The following MYC variants were observed in gnomAD, a reference collection of about 807,000 sequenced individuals.
The protein encoded by MYC is MYC proto-oncogene, bHLH transcription factor.
MYC carries 1 observed loss-of-function variant against 30.5 expected under a neutral mutation model. That is an observed-to-expected ratio of 0.03 (90% confidence interval 0.01 to 0.16). The LOEUF (loss-of-function observed/expected upper bound fraction) is 0.16. Among genes scored for constraint, MYC ranks in the 10% least tolerant of loss-of-function variants. MYC has a pLI of 1.00. For missense variants in MYC, 508 were observed against 589.0 expected (o/e 0.86, Z 1.42); for synonymous variants, 267 against 250.7 (o/e 1.07, Z -0.62).
rs912067388 is a variant in MYC, at chr8:127,742,178, T to G, written c.*1220T>G. Among the ~76,000 whole-genome samples the G allele has an allele frequency of 6.6e-6, 1 of 152,240 alleles. No homozygotes were observed. Among genetic ancestry groups the G allele is most frequent in the Non-Finnish European group, 1.5e-5 (1 of 68,038 alleles). On this transcript the variant is annotated 3_prime_UTR_variant, in exon 3 of 3. Transcript: ENST00000621592. ...TAAGCTCTATTTGTGTCCCAAGCACTCCTAAGCATTTTATCCCTAACTCTA... is the reference window on the plus strand; with the variant it reads ...TAAGCTCTATTTGTGTCCCAAGCACGCCTAAGCATTTTATCCCTAACTCTA...
Position 127,738,856 on chromosome 8 carries a change from T to C in MYC, c.639T>C (p.Pro213=), listed in dbSNP as rs376985810. The C allele has an allele frequency of 3.7e-6, 6 of 1,611,706 alleles. No homozygotes were observed. In the African/African-American group the frequency reaches 8.0e-5, roughly 22 times the overall value. Residue 213 remains proline, a synonymous_variant, in exon 2 of 3, where the codon CCT becomes CCC. Transcript: ENST00000621592. The surrounding 1 kb of genome is among the most constrained non-coding windows in gnomAD (Gnocchi z 7.6). ...ACCCCTCGGTGGTCTTCCCCTACCC[T>C]CTCAACGACAGCAGCTCGCCCAAGT...
chr8:127,739,853 C>T (rs899840420), intron 2 of MYC, among the ~76,000 whole-genome samples: 1 of 152,184 alleles, frequency 6.6e-6, no homozygotes, highest in East Asian at 1.9e-4. Context: ...GCATCAATGT[C>T]CTATCCTGGG....
Position 127,740,580 on chromosome 8 carries a change from C to T in MYC, c.987C>T (p.Ser329=), listed in dbSNP as rs1219526902. The T allele has an allele frequency of 6.2e-7, 1 of 1,614,046 alleles. No individual in the cohort carries two copies. Among genetic ancestry groups the T allele is most frequent in the Non-Finnish European group, 8.5e-7 (1 of 1,180,016 alleles). Residue 329 remains serine (S), a synonymous_variant, in exon 3 of 3, where the codon TCC becomes TCT. Coordinates refer to ENST00000621592, the MANE Select transcript of MYC (RefSeq NM_002467.6). ...AGCACAACTACGCAGCGCCTCCCTC[C>T]ACTCGGAAGGACTATCCTGCTGCCA...
chr8:127,739,797 T>C (rs1482774654), intron 2 of MYC, among the ~76,000 whole-genome samples: 1 of 152,102 alleles, frequency 6.6e-6, no homozygotes, highest in African/African-American at 2.4e-5. Flanking sequence ...GAATGTGCTT[T>C]GCTTTGGGTG....
chr8:127,742,488 A>T lies in MYC; in HGVS notation c.*1530A>T, dbSNP rs1563759622. On this transcript the variant is annotated 3_prime_UTR_variant, in exon 3 of 3. Coordinates refer to ENST00000621592, the MANE Select transcript of MYC (RefSeq NM_002467.6). Reference sequence around the variant, plus strand: ...AGGCATCAGTTCCCCTTTTTTTGTGATTTATTTTGTTTTTATTTTGTTGTT... The same window carrying T: ...AGGCATCAGTTCCCCTTTTTTTGTGTTTTATTTTGTTTTTATTTTGTTGTT... 6.6e-6 allele frequency among the ~76,000 whole-genome samples: 1 copy of T among 151,864 alleles called. No homozygotes were observed. Among genetic ancestry groups the T allele is most frequent in the Non-Finnish European group, 1.5e-5 (1 of 67,944 alleles).
chr8:127,738,734 G>A lies in MYC; in HGVS notation c.517G>A (p.Asp173Asn), dbSNP rs967161771. 10 of 1,613,528 alleles carry A rather than the reference G, an allele frequency of 6.2e-6. No individual in the cohort carries two copies. Among genetic ancestry groups the A allele is most frequent in the Admixed American group, 3.3e-5 (2 of 59,946 alleles). Residue 173 changes from aspartate to asparagine, a missense_variant, in exon 2 of 3, where the codon GAC becomes AAC. Asp to Asn is a conservative substitution (Grantham distance 23, BLOSUM62 1). Around this residue, in one of 5 missense-constraint regions of MYC, gnomAD observed 364 missense variants for 381.1 expected, o/e 0.96. Transcript: ENST00000621592. This position sits in a 1 kb window ranked among gnomAD's most constrained non-coding sequence, Gnocchi z 7.6. The stretch of plus-strand genomic sequence containing the variant: ...GGCCTCCTACCAGGCTGCGCGCAAA[G>A]ACAGCGGCAGCCCGAACCCCGCCCG...
Position 127,738,633 on chromosome 8 carries a change from T to G in MYC, c.416T>G (p.Phe139Cys). The G allele has an allele frequency of 6.2e-7, 1 of 1,612,872 alleles. No individual in the cohort carries two copies. Among genetic ancestry groups the G allele is most frequent in the Admixed American group, 1.7e-5 (1 of 59,910 alleles). Residue 139 changes from phenylalanine (F) to cysteine (C), a missense_variant, in exon 2 of 3, where the codon TTC (phenylalanine) becomes TGC (cysteine). By Grantham distance (205) the Phe-to-Cys change is radical. Around this residue, in one of 5 missense-constraint regions of MYC, gnomAD observed 364 missense variants for 381.1 expected, o/e 0.96. Transcript: ENST00000621592. This position sits in a 1 kb window ranked among gnomAD's most constrained non-coding sequence, Gnocchi z 7.6. ...ATCTGCGACCCGGACGACGAGACCT[T>G]CATCAAAAACATCATCATCCAGGAC...
Position 127,741,895 on chromosome 8 carries a change from A to C in MYC, c.*937A>C, listed in dbSNP as rs545977969. ...TCACAACCAGGCGCCAGTCCTGTCC[A>C]TGGGTTATCTCGCAAACCCCAGAGG... On this transcript the variant is annotated 3_prime_UTR_variant, in exon 3 of 3. Transcript: ENST00000621592. Among the ~76,000 whole-genome samples the C allele has an allele frequency of 7.9e-5, 12 of 152,312 alleles. No individual in the cohort carries two copies. Among genetic ancestry groups the C allele is most frequent in the African/African-American group, 2.4e-4 (10 of 41,570 alleles).
In MYC at chr8:127,740,606, A is replaced by G; in HGVS notation, c.1013A>G (p.Lys338Arg). Residue 338 changes from lysine (K) to arginine (R), a missense_variant, in exon 3 of 3, where the codon AAG becomes AGG. Around this residue, in one of 5 missense-constraint regions of MYC, gnomAD observed 364 missense variants for 381.1 expected, o/e 0.96. Transcript: ENST00000621592. ...ACTCGGAAGGACTATCCTGCTGCCAAGAGGGTCAAGTTGGACAGTGTCAGA... is the reference window on the plus strand; with the variant it reads ...ACTCGGAAGGACTATCCTGCTGCCAGGAGGGTCAAGTTGGACAGTGTCAGA... 6 of 1,614,082 alleles carry G rather than the reference A, an allele frequency of 3.7e-6. No homozygotes were observed. Among genetic ancestry groups the G allele is most frequent in the South Asian group, 1.1e-5 (1 of 91,066 alleles).
rs1813723219 is a variant in MYC at position 127,742,239 on chromosome 8, C to T, written c.*1281C>T. Among the ~76,000 whole-genome samples, 1 of 152,190 alleles carries T rather than the reference C, an allele frequency of 6.6e-6. No individual in the cohort carries two copies. Among genetic ancestry groups the T allele is most frequent in the Admixed American group, 6.5e-5 (1 of 15,290 alleles). Reference sequence around the variant, plus strand: ...ATGAAGGAGATACTGTTGATTTCCCCATATTAGAAGTAGAGAGGGAAGCTG... The same window carrying T: ...ATGAAGGAGATACTGTTGATTTCCCTATATTAGAAGTAGAGAGGGAAGCTG... On this transcript the variant is annotated 3_prime_UTR_variant, in exon 3 of 3. Transcript: ENST00000621592.
In MYC at chr8:127,740,650, A is replaced by G; in HGVS notation, c.1057A>G (p.Asn353Asp). Residue 353 changes from asparagine (N) to aspartate (D), a missense_variant, in exon 3 of 3, where the codon AAC becomes GAC. Asn to Asp is a conservative substitution (Grantham distance 23). Around this residue, in one of 5 missense-constraint regions of MYC, gnomAD observed 364 missense variants for 381.1 expected, o/e 0.96. Transcript: ENST00000621592. ...TGTCAGAGTCCTGAGACAGATCAGCAACAACCGAAAATGCACCAGCCCCAG... is the reference window on the plus strand; with the variant it reads ...TGTCAGAGTCCTGAGACAGATCAGCGACAACCGAAAATGCACCAGCCCCAG... The G allele has an allele frequency of 6.2e-7, 1 of 1,614,122 alleles. No individual in the cohort carries two copies. The highest frequency in any genetic ancestry group is 8.5e-7 in the Non-Finnish European group (1 of 1,180,022).
rs750562100 is a variant in MYC at position 127,740,837 on chromosome 8, C to T, written c.1244C>T (p.Thr415Ile). The change falls in exon 3 of 3, where the codon ACA becomes ATA. Residue 415 changes from threonine (T) to isoleucine (I), a missense_variant. Around this residue, in one of 5 missense-constraint regions of MYC, gnomAD observed 40 missense variants for 78.4 expected, o/e 0.51. Transcript: ENST00000621592. ...AAGGTAGTTATCCTTAAAAAAGCCACAGCATACATCCTGTCCGTCCAAGCA... is the reference window on the plus strand; with the variant it reads ...AAGGTAGTTATCCTTAAAAAAGCCATAGCATACATCCTGTCCGTCCAAGCA... 82 of 1,614,018 alleles carry T rather than the reference C, an allele frequency of 5.1e-5. No individual in the cohort carries two copies. Among genetic ancestry groups the T allele is most frequent in the Non-Finnish European group, 1.1e-5 (13 of 1,180,044 alleles).
chr8:127,738,510 G>C lies in MYC; in HGVS notation c.293G>C (p.Arg98Pro), dbSNP rs764188937. ...GTTGCGGTCACACCCTTCTCCCTTC[G>C]GGGAGACAACGACGGCGGTGGCGGG... Residue 98 changes from arginine (R) to proline (P), a missense_variant, in exon 2 of 3, where the codon CGG (arginine) becomes CCG (proline). Physicochemically the swap from Arg to Pro is moderately radical, Grantham distance 103 (BLOSUM62 -2). Transcript: ENST00000621592. This position sits in a 1 kb window ranked among gnomAD's most constrained non-coding sequence, Gnocchi z 7.6. 1.9e-6 allele frequency: 3 copies of C among 1,610,522 alleles called. No homozygotes were observed. Among genetic ancestry groups the C allele is most frequent in the Admixed American group, 3.3e-5 (2 of 59,798 alleles).
rs932082900 is a variant in MYC, at chr8:127,741,962, A to G, written c.*1004A>G. On this transcript the variant is annotated 3_prime_UTR_variant, in exon 3 of 3. Coordinates refer to ENST00000621592, the MANE Select transcript of MYC (RefSeq NM_002467.6). Reference sequence around the variant, plus strand: ...CTACTATTAACCCTATTTCACAAACAAGGAAATAGAAGAGCTCAAAGAGGT... The same window carrying G: ...CTACTATTAACCCTATTTCACAAACGAGGAAATAGAAGAGCTCAAAGAGGT... 5.3e-5 allele frequency among the ~76,000 whole-genome samples: 8 copies of G among 152,172 alleles called. No homozygotes were observed. The highest frequency in any genetic ancestry group is 1.4e-4 in the African/African-American group (6 of 41,442).
chr8:127,738,959 G>T lies in MYC; in HGVS notation c.742G>T (p.Gly248Cys). The change falls in exon 2 of 3, where the codon GGC (glycine) becomes TGC (cysteine). Residue 248 changes from glycine to cysteine, a missense_variant. Physicochemically the swap from Gly to Cys is radical, Grantham distance 159 (BLOSUM62 -3). Around this residue, in one of 5 missense-constraint regions of MYC, gnomAD observed 364 missense variants for 381.1 expected, o/e 0.96. Transcript: ENST00000621592. The surrounding 1 kb of genome is among the most constrained non-coding windows in gnomAD (Gnocchi z 7.6). ...CTCCTCGACGGAGTCCTCCCCGCAGGGCAGCCCCGAGCCCCTGGTGCTCCA... is the reference window on the plus strand; with the variant it reads ...CTCCTCGACGGAGTCCTCCCCGCAGTGCAGCCCCGAGCCCCTGGTGCTCCA... 3.2e-6 allele frequency: 5 copies of T among 1,579,130 alleles called. No homozygotes were observed. Among genetic ancestry groups the T allele is most frequent in the Non-Finnish European group, 4.3e-6 (5 of 1,169,752 alleles).
intron 1 of MYC, 72 bp downstream of exon 1, chr8:127,736,695 T>A (rs2130084459): frequency 2.0e-6 from 3 of 1,507,174 alleles, no homozygotes; most frequent in South Asian, 2.3e-5. Flanking sequence ...GTCGAATGCC[T>A]AAATAGGGTG....
chr8:127,737,786 G>T (rs1365015775), intron 1 of MYC, among the ~76,000 whole-genome samples: 1 of 152,220 alleles, frequency 6.6e-6, no homozygotes, highest in Non-Finnish European at 1.5e-5. Flanking sequence ...CCGCAGCGGA[G>T]GGGCCCCGGC....
chr8:127,742,319 A>C lies in MYC; in HGVS notation c.*1361A>C, dbSNP rs778333249. ...AGATTCACTGATAGGGAAAAGTGGAAGCGAGATTTGAACCCAGGCTGTTTA... is the reference window on the plus strand; with the variant it reads ...AGATTCACTGATAGGGAAAAGTGGACGCGAGATTTGAACCCAGGCTGTTTA... On this transcript the variant is annotated 3_prime_UTR_variant, in exon 3 of 3. Coordinates refer to ENST00000621592, the MANE Select transcript of MYC (RefSeq NM_002467.6). 4.6e-5 allele frequency among the ~76,000 whole-genome samples: 7 copies of C among 152,198 alleles called. No individual in the cohort carries two copies. Among genetic ancestry groups the C allele is most frequent in the Non-Finnish European group, 1.0e-4 (7 of 68,036 alleles).
upstream of MYC, chr8:127,735,587 C>T (rs924272872): frequency 2.5e-6 from 1 of 399,082 alleles, no homozygotes; most frequent in African/African-American, 2.1e-5. Flanking sequence ...CATTAATACC[C>T]TTCTTTCCTC....
Sources: allele counts gnomAD v4.1 joint callset (sites outside exome capture counted in the v4.1 genomes callset), GRCh38; gene constraint gnomAD v4.1.1; regional missense constraint gnomAD v4.1.1; non-coding constraint Gnocchi (gnomAD v3.1); transcripts MANE v1.5; gene names NCBI Gene and HGNC (gene_info 2026-07-23, HGNC 2026-07-21).